Variants in KDM4C observed in about 807,000 individuals in gnomAD.
The protein encoded by KDM4C is lysine-specific demethylase 4C.
In KDM4C, 81 loss-of-function variants were observed where a neutral mutation model predicts 129.3. The ratio of observed to expected loss-of-function variants is 0.63; its 90% CI spans 0.52 to 0.75. The LOEUF (loss-of-function observed/expected upper bound fraction) is 0.75, where lower values mean the gene tolerates loss of function less well. Ranked by LOEUF, KDM4C falls within the 30% of genes least tolerant of loss-of-function variation. The probability of loss-of-function intolerance (pLI) is 0.00; values close to 1 mark genes in which losing one functional copy is unlikely to be tolerated. For synonymous variants in KDM4C, 573 were observed against 456.1 expected, an observed-to-expected ratio of 1.26 and a Z score of -3.26; for missense variants, 1,457 against 1,304.0, an observed-to-expected ratio of 1.12 and a Z score of -1.81.
chr9:6,793,757 G>A (rs1297134963), intron 2 of KDM4C, among the ~76,000 whole-genome samples: 1 of 152,020 alleles, frequency 6.6e-6, no homozygotes, highest in South Asian at 2.1e-4. Flanking sequence ...TGGCCAGGCT[G>A]GTCTTGAACT....
chr9:6,816,683 C>T (rs1164605031), intron 4 of KDM4C, among the ~76,000 whole-genome samples: 6 of 152,200 alleles, frequency 3.9e-5, no homozygotes, highest in African/African-American at 1.4e-4. Context: ...CTCCCTAACA[C>T]TCGATATTGT....
At chr9:6,814,505 T>C in intron 3 of KDM4C, 126 bp from the exon 4 acceptor site, 1 of 549,922 alleles carries the variant, frequency 1.8e-6, no homozygotes, top group Admixed American at 3.5e-5. Context: ...CTTGTTAGAA[T>C]TGACAACATG....
chr9:7,168,791 A>C (rs767273052), intron 20 of KDM4C, among the ~76,000 whole-genome samples: 2 of 152,192 alleles, frequency 1.3e-5, no homozygotes, highest in African/African-American at 4.8e-5. Context: ...CAGGCCGGGC[A>C]TGGTGGCTGA....
chr9:6,883,934 T>C (rs1350193611), intron 6 of KDM4C, among the ~76,000 whole-genome samples: 1 of 152,110 alleles, frequency 6.6e-6, no homozygotes, highest in Non-Finnish European at 1.5e-5. Context: ...AAAAACCCCA[T>C]GCGTGTAATG....
At chr9:7,107,249 T>C (rs1837797084) in intron 18 of KDM4C, among the ~76,000 whole-genome samples, 1 of 152,260 alleles carries the variant, frequency 6.6e-6, no homozygotes, top group Non-Finnish European at 1.5e-5. Context: ...CCTAACCCAG[T>C]TATCTGAATG....
At chr9:7,048,766 A>G (rs973404221) in intron 16 of KDM4C, among the ~76,000 whole-genome samples, 2 of 152,132 alleles carry the variant, frequency 1.3e-5, no homozygotes, top group African/African-American at 2.4e-5. Context: ...AAGCACATAC[A>G]TGCATATTCC....
In KDM4C at chr9:7,165,229, A is replaced by T. The variant is rs766060574; in HGVS notation, c.2782-9A>T. The T allele has an allele frequency of 1.9e-6, 3 of 1,613,536 alleles. No individual in the cohort carries two copies. The highest frequency in any genetic ancestry group is 2.5e-6 in the Non-Finnish European group (3 of 1,179,846). ...CCTTTTGAAAAGCCTGTCTCTGTTT[A>T]TTCTGCAGAGCCGAGACTGTCTGAA... On this transcript the variant is annotated splice_polypyrimidine_tract_variant and intron_variant, in intron 19 of 21. Transcript: ENST00000381309.
At chr9:7,129,359 A>G (rs1474172165) in intron 19 of KDM4C, among the ~76,000 whole-genome samples, 1 of 152,162 alleles carries the variant, frequency 6.6e-6, no homozygotes, top group Non-Finnish European at 1.5e-5. Context: ...AACAAAAGTG[A>G]CCTTATTTGA....
intron 18 of KDM4C, among the ~76,000 whole-genome samples, chr9:7,115,375 A>G (rs1838784053): frequency 6.6e-6 from 1 of 152,188 alleles, no homozygotes; most frequent in Admixed American, 6.5e-5. Flanking sequence ...TAGCTTGTTA[A>G]GAAAATTAAG....
At chr9:6,890,238 C>G (rs769196596) in intron 7 of KDM4C, among the ~76,000 whole-genome samples, 1 of 152,142 alleles carries the variant, frequency 6.6e-6, no homozygotes, top group Admixed American at 6.5e-5. Flanking sequence ...CTGATTCAGT[C>G]GCATAATCTT....
chr9:7,023,317 CTTG>C (rs1825211848), intron 15 of KDM4C, among the ~76,000 whole-genome samples: 1 of 152,076 alleles, frequency 6.6e-6, no homozygotes, highest in Non-Finnish European at 1.5e-5. Context: ...GATCTCATTA[CTTG>C]TTATTGGTCT....
chr9:7,100,350 C>CT (rs1425303660), intron 17 of KDM4C, among the ~76,000 whole-genome samples: 2 of 151,348 alleles, frequency 1.3e-5, no homozygotes, highest in Admixed American at 6.6e-5. Context: ...TTTTTTTTTC[C>CT]TTTTTTTGAG....
intron 3 of KDM4C, among the ~76,000 whole-genome samples, chr9:6,808,976 C>T (rs969009482): frequency 5.3e-5 from 8 of 151,984 alleles, no homozygotes; most frequent in East Asian, 3.8e-4. Context: ...AACAAAAAAT[C>T]ATAGTTTCCA....
chr9:6,788,519 T>C (rs1825914937), intron 1 of KDM4C, among the ~76,000 whole-genome samples: 1 of 152,252 alleles, frequency 6.6e-6, no homozygotes, highest in Non-Finnish European at 1.5e-5. Flanking sequence ...ATCTGTTTTC[T>C]AAGTAACTTT....
At chr9:6,779,521 G>C (rs1385144956) in intron 1 of KDM4C, among the ~76,000 whole-genome samples, 2 of 152,138 alleles carry the variant, frequency 1.3e-5, no homozygotes, top group Non-Finnish European at 2.9e-5. Flanking sequence ...GCAACTTCCT[G>C]CTCCCCAGAT....
At chr9:7,061,269 A>G (rs1047891618) in intron 17 of KDM4C, among the ~76,000 whole-genome samples, 5 of 152,202 alleles carry the variant, frequency 3.3e-5, no homozygotes, top group Non-Finnish European at 7.3e-5. Context: ...TAGTTGAGCC[A>G]TGCTTACATC....
At chr9:6,742,354 T>C (rs1237745805) in intron 1 of KDM4C, among the ~76,000 whole-genome samples, 1 of 152,198 alleles carries the variant, frequency 6.6e-6, no homozygotes, top group African/African-American at 2.4e-5. Flanking sequence ...TTTCAAAGTT[T>C]GATTGCAATC....
At chr9:7,022,601 T>A (rs1825063256) in intron 15 of KDM4C, among the ~76,000 whole-genome samples, 1 of 151,920 alleles carries the variant, frequency 6.6e-6, no homozygotes, top group Non-Finnish European at 1.5e-5. Context: ...AACAATAATT[T>A]GAATTCTTCC....
At chr9:6,854,324 C>G (rs1276303393) in intron 5 of KDM4C, among the ~76,000 whole-genome samples, 2 of 151,768 alleles carry the variant, frequency 1.3e-5, no homozygotes, top group East Asian at 1.9e-4. Context: ...AGGTCAGGAG[C>G]TCGAGACCAG....
Sources: gnomAD v4.1 joint callset for allele counts (sites outside exome capture counted in the v4.1 genomes callset) on GRCh38, gnomAD v4.1.1 for gene constraint, MANE v1.5 for transcripts, NCBI Gene and HGNC (gene_info 2026-07-23, HGNC 2026-07-21) for gene names.